The following NFIA variants were observed in gnomAD, a reference collection of about 807,000 sequenced individuals.
NFIA encodes the protein nuclear factor I A.
NFIA carries 8 observed loss-of-function variants against 62.8 expected under a neutral mutation model. The observed-to-expected ratio is 0.13, with a 90% CI of 0.07 to 0.23. The LOEUF is 0.23. Ranked by LOEUF, NFIA falls within the 10% of genes least tolerant of loss-of-function variation. The probability of loss-of-function intolerance (pLI) is 1.00; values close to 1 mark genes in which losing one functional copy is unlikely to be tolerated. For synonymous variants in NFIA, 235 were observed against 238.1 expected (o/e 0.99, Z 0.12); for missense variants, 410 against 642.1 (o/e 0.64, Z 3.91).
chr1:61,280,918 C>T (rs1280785959), intron 3 of NFIA, among the ~76,000 whole-genome samples: 1 of 152,114 alleles, frequency 6.6e-6, no homozygotes, highest in Non-Finnish European at 1.5e-5. Flanking sequence ...AAGGTACACC[C>T]CAATCTCAGT....
intron 2 of NFIA, among the ~76,000 whole-genome samples, chr1:61,140,629 C>G (rs1176052742): frequency 6.6e-6 from 1 of 152,032 alleles, no homozygotes; most frequent in East Asian, 1.9e-4. Flanking sequence ...GGGGCAAGAA[C>G]ATTTTCAGAT....
At chr1:61,264,223 T>C (rs1164012633) in intron 2 of NFIA, among the ~76,000 whole-genome samples, 1 of 152,140 alleles carries the variant, frequency 6.6e-6, no homozygotes, top group Non-Finnish European at 1.5e-5. Context: ...AGAGTAAAAG[T>C]TCCAATCGCC....
chr1:61,125,112 G>A (rs903798937), intron 2 of NFIA: 5 of 152,154 alleles, frequency 3.3e-5, no homozygotes, highest in African/African-American at 7.2e-5. Flanking sequence ...TGTTGATCTC[G>A]TGACAAAAGA....
chr1:61,349,873 G>A (rs76373401), intron 4 of NFIA, among the ~76,000 whole-genome samples: 7,719 of 152,056 alleles, frequency 0.051, 244 homozygotes, highest in Admixed American at 0.099. Flanking sequence ...GATTATAGGC[G>A]TGAGCCACCA....
intron 2 of NFIA, among the ~76,000 whole-genome samples, chr1:61,166,973 C>T (rs1469028681): frequency 3.3e-5 from 5 of 152,236 alleles, no homozygotes; most frequent in African/African-American, 7.2e-5. Context: ...AACCCCATCT[C>T]TACTAAAAAT....
intron 10 of NFIA, among the ~76,000 whole-genome samples, chr1:61,434,786 G>A (rs983411774): frequency 2.6e-5 from 4 of 152,066 alleles, no homozygotes; most frequent in African/African-American, 9.7e-5. Context: ...TAATATTAAA[G>A]TGAGAACAGT....
chr1:61,377,215 T>C (rs1322996166), intron 6 of NFIA, among the ~76,000 whole-genome samples: 1 of 133,304 alleles, frequency 7.5e-6, no homozygotes, highest in East Asian at 2.3e-4. Flanking sequence ...AGACCGAGAC[T>C]CCATCTCAAA....
intron 2 of NFIA, among the ~76,000 whole-genome samples, chr1:61,171,701 A>G (rs1315404466): frequency 6.6e-6 from 1 of 152,164 alleles, no homozygotes; most frequent in African/African-American, 2.4e-5. Flanking sequence ...CTATGGTGCT[A>G]TACCTGTGTG....
chr1:61,439,777 G>A (rs570467963), intron 10 of NFIA, among the ~76,000 whole-genome samples: 25 of 152,270 alleles, frequency 1.6e-4, no homozygotes, highest in African/African-American at 4.1e-4. Flanking sequence ...CTGAAAAATG[G>A]TATTAGGAGA....
chr1:61,166,810 TA>T (rs1410815014), intron 2 of NFIA, among the ~76,000 whole-genome samples: 1 of 152,236 alleles, frequency 6.6e-6, no homozygotes, highest in East Asian at 1.9e-4. Context: ...TGTGTGAGGA[TA>T]AATATAGTGT....
intron 2 of NFIA, among the ~76,000 whole-genome samples, chr1:61,262,886 C>T (rs1018437284): frequency 2.0e-5 from 3 of 152,182 alleles, no homozygotes; most frequent in African/African-American, 7.2e-5. Context: ...TCCCATGTAG[C>T]TCTGCTGTGT....
chr1:61,197,837 C>A (rs949837721), intron 2 of NFIA, among the ~76,000 whole-genome samples: 1 of 151,588 alleles, frequency 6.6e-6, no homozygotes, highest in Non-Finnish European at 1.5e-5. Flanking sequence ...AAAAATTAGC[C>A]GGGCTTGGTG....
intron 3 of NFIA, among the ~76,000 whole-genome samples, chr1:61,314,182 C>T (rs1458387697): frequency 6.6e-6 from 1 of 152,176 alleles, no homozygotes; most frequent in East Asian, 1.9e-4. Context: ...TTCCACAAAG[C>T]CTTCCCTAGC....
chr1:61,226,381 G>C (rs1041974791), intron 2 of NFIA, among the ~76,000 whole-genome samples: 4 of 152,196 alleles, frequency 2.6e-5, no homozygotes, highest in African/African-American at 9.7e-5. Flanking sequence ...TTTACAAAAT[G>C]TATCTGCTGT....
At chr1:61,451,079 G>A (rs1194387093) in intron 10 of NFIA, among the ~76,000 whole-genome samples, 1 of 152,154 alleles carries the variant, frequency 6.6e-6, no homozygotes, top group Non-Finnish European at 1.5e-5. Context: ...CTCTCTGTGA[G>A]GCGTACGAAA....
intron 3 of NFIA, among the ~76,000 whole-genome samples, chr1:61,320,726 A>G (rs2806440): frequency 0.86 from 131,107 of 152,086 alleles, 56,634 homozygotes; most frequent in East Asian, 0.94. Context: ...TTCTCTGTAA[A>G]TGGTCTGTCT....
chr1:61,217,041 A>G (rs1289544256), intron 2 of NFIA, among the ~76,000 whole-genome samples: 1 of 148,938 alleles, frequency 6.7e-6, no homozygotes, highest in East Asian at 2.3e-4. Context: ...GACATTGATT[A>G]AACTTTTTTT....
chr1:61,128,018 A>G (rs1466818057), intron 2 of NFIA, among the ~76,000 whole-genome samples: 2 of 152,196 alleles, frequency 1.3e-5, no homozygotes, highest in African/African-American at 4.8e-5. Context: ...CACTGAACCC[A>G]GCATCTGGCA....
chr1:61,200,026 A>ATGTG (rs1557631830), intron 2 of NFIA, among the ~76,000 whole-genome samples: 25 of 37,010 alleles, frequency 6.8e-4, no homozygotes, highest in African/African-American at 3.8e-3. Flanking sequence ...ATATATATAT[A>ATGTG]TATATATATA....
Sources: gnomAD v4.1 joint callset for allele counts (sites outside exome capture counted in the v4.1 genomes callset) on GRCh38, gnomAD v4.1.1 for gene constraint, MANE v1.5 for transcripts, NCBI Gene and HGNC (gene_info 2026-07-23, HGNC 2026-07-21) for gene names.